MARCHF8: variants seen among roughly 807,000 people sequenced by gnomAD.
The protein encoded by MARCHF8 is E3 ubiquitin-protein ligase MARCHF8.
Under a neutral mutation model 51.6 loss-of-function variants are expected in MARCHF8, and 40 were observed. The ratio of observed to expected loss-of-function variants is 0.77; its 90% CI spans 0.60 to 1.01. The LOEUF is 1.01. Among genes scored for constraint, MARCHF8 ranks in the 50% least tolerant of loss-of-function variants. The pLI is 0.00. For synonymous variants in MARCHF8, 263 were observed against 280.3 expected (o/e 0.94, Z 0.62); for missense variants, 685 against 708.6 (o/e 0.97, Z 0.38).
chr10:45,487,596 T>A (rs1313095489), intron 3 of MARCHF8, among the ~76,000 whole-genome samples: 1 of 152,190 alleles, frequency 6.6e-6, no homozygotes, highest in Non-Finnish European at 1.5e-5. Flanking sequence ...GCAGCATTCC[T>A]GGCCAAAGGG....
chr10:45,522,149 A>G (rs2043716471), intron 2 of MARCHF8, among the ~76,000 whole-genome samples: 1 of 152,200 alleles, frequency 6.6e-6, no homozygotes, highest in Admixed American at 6.5e-5. Context: ...ATTTCCCCCA[A>G]AAAACTCTGC....
chr10:45,477,728 T>C (rs2042812640), intron 3 of MARCHF8, among the ~76,000 whole-genome samples: 1 of 152,150 alleles, frequency 6.6e-6, no homozygotes, highest in Admixed American at 6.5e-5. Flanking sequence ...TGAAAAAAGA[T>C]ATTCCATGCA....
intron 2 of MARCHF8, among the ~76,000 whole-genome samples, chr10:45,530,031 C>T (rs995709128): frequency 8.5e-5 from 13 of 152,200 alleles, no homozygotes; most frequent in African/African-American, 2.4e-4. Context: ...GACATAAAAT[C>T]AATCTAAGTG....
At chr10:45,574,302 T>C (rs536654308) in intron 1 of MARCHF8, among the ~76,000 whole-genome samples, 1 of 152,300 alleles carries the variant, frequency 6.6e-6, no homozygotes, top group South Asian at 2.1e-4. Context: ...CCATTTTACC[T>C]GTCCAAAAAC....
intron 1 of MARCHF8, among the ~76,000 whole-genome samples, chr10:45,583,551 G>A (rs1340220733): frequency 6.6e-6 from 1 of 152,122 alleles, no homozygotes; most frequent in Non-Finnish European, 1.5e-5. Flanking sequence ...TTTATTGATT[G>A]CTAGGTACTA....
chr10:45,578,401 A>C (rs1444478175), intron 1 of MARCHF8, among the ~76,000 whole-genome samples: 1 of 152,220 alleles, frequency 6.6e-6, no homozygotes, highest in East Asian at 1.9e-4. Flanking sequence ...AATGAGTTAC[A>C]GACCACTAAA....
chr10:45,486,425 G>A (rs1017974430), intron 3 of MARCHF8, among the ~76,000 whole-genome samples: 3 of 152,130 alleles, frequency 2.0e-5, no homozygotes, highest in Non-Finnish European at 4.4e-5. Flanking sequence ...TTAGCTGGGC[G>A]TGGTGGCACG....
Position 45,456,327 on chromosome 10 carries a change from GA to G in MARCHF8, c.*1911del, listed in dbSNP as rs1470317244. The G allele has an allele frequency of 1.2e-4, 19 of 152,526 alleles. No homozygotes were observed. Among genetic ancestry groups the G allele is most frequent in the Non-Finnish European group, 2.2e-4 (15 of 68,324 alleles). The allele number at this position is 152,526 out of a possible 1,614,324, so 9.4% of individuals were successfully genotyped here. A position where few individuals can be genotyped will look rare whatever the true frequency, so the allele number is the denominator to read the frequency against. On this transcript the variant is annotated 3_prime_UTR_variant, in exon 8 of 8. Transcript: ENST00000453424. ...CCCTGGGAGACAGAAAGGAGAGGCTGACCTATTCTCAGGAGCTGGCTATGGC... is the reference window on the plus strand; with the variant it reads ...CCCTGGGAGACAGAAAGGAGAGGCTGCCTATTCTCAGGAGCTGGCTATGGC...
intron 2 of MARCHF8, among the ~76,000 whole-genome samples, chr10:45,495,863 G>A (rs1157355145): frequency 6.6e-6 from 1 of 151,298 alleles, no homozygotes; most frequent in East Asian, 1.9e-4. Context: ...GAGAAGAAGA[G>A]AAGAGAGAAA....
intron 1 of MARCHF8, among the ~76,000 whole-genome samples, chr10:45,586,689 A>T (rs917877207): frequency 3.3e-5 from 5 of 152,124 alleles, no homozygotes; most frequent in Non-Finnish European, 4.4e-5. Flanking sequence ...AAAGTTGCTC[A>T]TAATTTCCTT....
chr10:45,586,016 G>T (rs2133436913), intron 1 of MARCHF8, among the ~76,000 whole-genome samples: 1 of 152,168 alleles, frequency 6.6e-6, no homozygotes, highest in African/African-American at 2.4e-5. Flanking sequence ...TATATGTTCA[G>T]TCTGTAAATG....
At chr10:45,583,020 T>C (rs1483777506) in intron 1 of MARCHF8, among the ~76,000 whole-genome samples, 2 of 152,162 alleles carry the variant, frequency 1.3e-5, no homozygotes, top group Non-Finnish European at 2.9e-5. Flanking sequence ...GGGAAGGCAA[T>C]GCATAATATT....
Position 45,463,225 on chromosome 10 carries a change from G to A in MARCHF8, c.1014C>T (p.Asp338=). 1.3e-6 allele frequency: 2 copies of A among 1,550,794 alleles called. No homozygotes were observed. Among genetic ancestry groups the A allele is most frequent in the Non-Finnish European group, 1.7e-6 (2 of 1,147,040 alleles). ...CAGAGAAGGGAGAAGGACAATCCAGGTCGCTGTCCTTTTCCGTGGAGCAGA... is the reference window on the plus strand; with the variant it reads ...CAGAGAAGGGAGAAGGACAATCCAGATCGCTGTCCTTTTCCGTGGAGCAGA... ...APLCSTEKDS[D]LDCPSPFSEK... The change falls in exon 5 of 8, where the codon GAC becomes GAT. Residue 338 remains aspartate, a synonymous_variant. Transcript: ENST00000453424.
In MARCHF8 at chr10:45,568,798, C is replaced by A. The variant is rs139190916; in HGVS notation, c.-79+25437G>T. Among the ~76,000 whole-genome samples the A allele has an allele frequency of 4.4e-3, 656 of 149,874 alleles. 4 individuals are homozygous for A. The highest frequency in any genetic ancestry group is 0.015 in the African/African-American group (625 of 40,754). On this transcript the variant is annotated intron_variant, in intron 1 of 6. Transcript: ENST00000319836. ...AAAATTGCAAAACAAGCCGGGTGTG[C>A]TGGCTTACACCTGTAATCCCAACAC...
intron 1 of MARCHF8, among the ~76,000 whole-genome samples, chr10:45,588,756 T>C (rs370963181): frequency 8.5e-5 from 13 of 152,290 alleles, no homozygotes; most frequent in African/African-American, 3.1e-4. Context: ...CCCAGCACTT[T>C]GGGAGGCCAA....
At chr10:45,483,834 G>C (rs2042932354) in intron 3 of MARCHF8, among the ~76,000 whole-genome samples, 1 of 152,194 alleles carries the variant, frequency 6.6e-6, no homozygotes. Flanking sequence ...ACATGTGGGA[G>C]CTATAAAAAT....
intron 1 of MARCHF8, among the ~76,000 whole-genome samples, chr10:45,541,019 C>T (rs2044044522): frequency 6.6e-6 from 1 of 152,150 alleles, no homozygotes; most frequent in South Asian, 2.1e-4. Flanking sequence ...GGCGATTCCC[C>T]AGGGATCTAG....
rs545620740 is a variant in MARCHF8, at chr10:45,457,245, T to C, written c.*994A>G. ...ATATTTTTTAAATATTCAGTTTTGT[T>C]GTCATTACTCACTTCCTTTCCTTCC... On this transcript the variant is annotated 3_prime_UTR_variant, in exon 8 of 8. Coordinates refer to ENST00000453424, the MANE Select transcript of MARCHF8 (RefSeq NM_001282866.2). 3.9e-5 allele frequency: 6 copies of C among 152,388 alleles called. No individual in the cohort carries two copies. The East Asian group carries it at 1.2e-3, about 29-fold the overall frequency. 9.4% of individuals were successfully genotyped at this position (152,388 alleles called of 1,614,324 possible). A position where few individuals can be genotyped will look rare whatever the true frequency, so the allele number is the denominator to read the frequency against.
At chr10:45,530,560 T>A (rs537499276) in intron 2 of MARCHF8, among the ~76,000 whole-genome samples, 1 of 152,114 alleles carries the variant, frequency 6.6e-6, no homozygotes, top group Non-Finnish European at 1.5e-5. Context: ...GATGGGAGGA[T>A]TGCTTAAGCC....
Sources: allele counts gnomAD v4.1 joint callset (sites outside exome capture counted in the v4.1 genomes callset), GRCh38; gene constraint gnomAD v4.1.1; transcripts MANE v1.5; gene names NCBI Gene and HGNC (gene_info 2026-07-23, HGNC 2026-07-21).